DLG2: variants seen among roughly 807,000 people sequenced by gnomAD.
DLG2 encodes disks large homolog 2.
In DLG2, 45 loss-of-function variants were observed where a neutral mutation model predicts 132.5. That is an observed-to-expected ratio of 0.34 (90% CI 0.27 to 0.44). The LOEUF (loss-of-function observed/expected upper bound fraction) is 0.44, where lower values mean the gene tolerates loss of function less well. DLG2 is among the 20% of genes least tolerant of loss of function. The probability of loss-of-function intolerance (pLI) is 1.00; values close to 1 mark genes in which losing one functional copy is unlikely to be tolerated. For synonymous variants in DLG2, 424 were observed against 419.6 expected, an observed-to-expected ratio of 1.01 and a Z score of -0.13; for missense variants, 1,045 against 1,196.9, an observed-to-expected ratio of 0.87 and a Z score of 1.87.
At chr11:83,738,825 G>A (rs998192720) in intron 18 of DLG2, among the ~76,000 whole-genome samples, 1 of 151,936 alleles carries the variant, frequency 6.6e-6, no homozygotes, top group African/African-American at 2.4e-5. Context: ...CTGCCATCTG[G>A]ACCATGAAAG....
intron 4 of DLG2, among the ~76,000 whole-genome samples, chr11:85,221,983 G>C (rs903843994): frequency 4.0e-5 from 6 of 151,406 alleles, no homozygotes. Flanking sequence ...TGCCAGCCAG[G>C]CTGGAATGCA....
intron 18 of DLG2, among the ~76,000 whole-genome samples, chr11:83,650,368 G>A (rs1389208983): frequency 6.6e-6 from 1 of 152,148 alleles, no homozygotes; most frequent in Non-Finnish European, 1.5e-5. Context: ...ACAAGAGGTT[G>A]GAGGGCTGTG....
chr11:83,978,557 C>G (rs1444547763), intron 12 of DLG2, among the ~76,000 whole-genome samples: 1 of 151,994 alleles, frequency 6.6e-6, no homozygotes, highest in Non-Finnish European at 1.5e-5. Context: ...ACTTTTACAT[C>G]AAAAACAAAC....
At chr11:84,555,470 T>C (rs1157261325) in intron 6 of DLG2, among the ~76,000 whole-genome samples, 3 of 152,108 alleles carry the variant, frequency 2.0e-5, no homozygotes, top group Admixed American at 6.5e-5. Context: ...CAATAAAATG[T>C]TATTCAGCTT....
chr11:84,020,631 A>C (rs750411496), intron 11 of DLG2, among the ~76,000 whole-genome samples: 4 of 152,218 alleles, frequency 2.6e-5, no homozygotes, highest in Non-Finnish European at 5.9e-5. Context: ...TTTTGAAGTC[A>C]TAAGAGTTAT....
At chr11:84,571,817 A>G (rs1270826961) in intron 6 of DLG2, among the ~76,000 whole-genome samples, 1 of 152,182 alleles carries the variant, frequency 6.6e-6, no homozygotes, top group Non-Finnish European at 1.5e-5. Flanking sequence ...GAAAACAAGC[A>G]TGAAAGACAT....
At chr11:83,755,140 AAAT>A (rs2093593410) in intron 18 of DLG2, among the ~76,000 whole-genome samples, 2 of 151,434 alleles carry the variant, frequency 1.3e-5, no homozygotes, top group Non-Finnish European at 1.5e-5. Flanking sequence ...TGTGTAAATA[AAAT>A]AATATTTTTT....
chr11:84,255,017 C>T (rs559728523), intron 7 of DLG2, among the ~76,000 whole-genome samples: 47 of 152,310 alleles, frequency 3.1e-4, no homozygotes, highest in Middle Eastern at 3.4e-3. Context: ...GCTGCTACAC[C>T]AGGCTCTCTG....
intron 6 of DLG2, among the ~76,000 whole-genome samples, chr11:85,024,571 C>T (rs2060355428): frequency 1.3e-5 from 2 of 152,304 alleles, no homozygotes; most frequent in South Asian, 4.1e-4. Flanking sequence ...TGTCTCGACT[C>T]TTCATTGCAT....
In DLG2 at chr11:84,202,421, A is replaced by C. The variant is rs148865946; in HGVS notation, c.574-38910T>G. Among the ~76,000 whole-genome samples, 303 of 152,352 alleles carry C rather than the reference A, an allele frequency of 2.0e-3. 2 individuals carry two copies. The highest frequency in any genetic ancestry group is 6.9e-3 in the African/African-American group (287 of 41,582). ...GGGAGAACTGGCTAGCCATATGCAG[A>C]AAACTGAAACTGGACCCCTTCCTTA... is the stretch of plus-strand genomic sequence containing the variant. On this transcript the variant is annotated intron_variant, in intron 8 of 27. Transcript: ENST00000376104.
Position 84,178,041 on chromosome 11 carries a change from G to A in DLG2, c.574-14530C>T, listed in dbSNP as rs569091357. 1.1e-4 allele frequency among the ~76,000 whole-genome samples: 17 copies of A among 151,980 alleles called. No homozygotes were observed. In the South Asian group the frequency reaches 3.1e-3, roughly 28 times the overall value. Reference sequence around the variant, plus strand: ...CTGCTGAATGTTAGTTAACAACTGTGAGAGCCTGTGTTATTCCAGTCTGGG... The same window carrying A: ...CTGCTGAATGTTAGTTAACAACTGTAAGAGCCTGTGTTATTCCAGTCTGGG... On this transcript the variant is annotated intron_variant, in intron 8 of 27. Transcript: ENST00000376104.
intron 19 of DLG2, among the ~76,000 whole-genome samples, chr11:83,621,433 A>C (rs1264277264): frequency 6.6e-6 from 1 of 152,124 alleles, no homozygotes; most frequent in East Asian, 1.9e-4. Context: ...TTAGGCCTGA[A>C]GAGAAGGGCC....
At chr11:84,662,266 T>C (rs2099695203) in intron 6 of DLG2, among the ~76,000 whole-genome samples, 1 of 148,284 alleles carries the variant, frequency 6.7e-6, no homozygotes, top group African/African-American at 2.5e-5. Flanking sequence ...AATCTCTGCC[T>C]CCCAGGTTCA....
rs200249136 is a variant in DLG2, at chr11:84,214,262, A to AATATATATATACATATATATGAAT, written c.573+36975_573+36976insATTCATATATATGTATATATATAT. Among the ~76,000 whole-genome samples the AATATATATATACATATATATGAAT allele has an allele frequency of 1.2e-4, 15 of 128,830 alleles. 1 individual carries two copies. Among genetic ancestry groups the AATATATATATACATATATATGAAT allele is most frequent in the African/African-American group, 6.5e-4 (15 of 23,164 alleles). 84.5% of individuals were successfully genotyped at this position (128,830 alleles called of 152,430 possible). On this transcript the variant is annotated intron_variant, in intron 8 of 27. Coordinates refer to ENST00000376104, the MANE Select transcript of DLG2 (RefSeq NM_001142699.3). ...ATGAATATATATATACATATATATGAATATATATACACATATATGAATATA... is the reference window on the plus strand; with the variant it reads ...ATGAATATATATATACATATATATGAATATATATATACATATATATGAATATATATATACACATATATGAATATA...
intron 9 of DLG2, among the ~76,000 whole-genome samples, chr11:84,119,245 T>C (rs958379858): frequency 3.7e-4 from 56 of 152,182 alleles, no homozygotes; most frequent in East Asian, 5.8e-4. Context: ...ATTTTAGAGA[T>C]AAAACCTTAT....
intron 6 of DLG2, among the ~76,000 whole-genome samples, chr11:85,002,326 T>C (rs2058288224): frequency 6.6e-6 from 1 of 152,114 alleles, no homozygotes; most frequent in African/African-American, 2.4e-5. Flanking sequence ...ATTACAAAAA[T>C]GTCAATGGCT....
chr11:84,302,704 A>C (rs546101187), intron 7 of DLG2, among the ~76,000 whole-genome samples: 1 of 152,318 alleles, frequency 6.6e-6, no homozygotes, highest in South Asian at 2.1e-4. Context: ...ATTTAAACTA[A>C]ATAATACAAA....
chr11:85,353,770 T>C (rs1196394014), intron 3 of DLG2, among the ~76,000 whole-genome samples: 2 of 151,996 alleles, frequency 1.3e-5, no homozygotes, highest in Non-Finnish European at 2.9e-5. Context: ...TTCTCACTCA[T>C]AGGTGGGAAT....
At chr11:83,893,270 T>G (rs1309452452) in intron 15 of DLG2, among the ~76,000 whole-genome samples, 1 of 152,228 alleles carries the variant, frequency 6.6e-6, no homozygotes, top group Non-Finnish European at 1.5e-5. Flanking sequence ...GGTCATAAGT[T>G]GCCCAACTCA....
Sources: gnomAD v4.1 joint callset for allele counts (sites outside exome capture counted in the v4.1 genomes callset) on GRCh38, gnomAD v4.1.1 for gene constraint, MANE v1.5 for transcripts, NCBI Gene and HGNC (gene_info 2026-07-23, HGNC 2026-07-21) for gene names.